The following LDLRAD3 variants were observed in gnomAD, a reference collection of about 807,000 sequenced individuals.
The protein encoded by LDLRAD3 is low-density lipoprotein receptor class A domain-containing protein 3.
A neutral mutation model predicts 29.4 loss-of-function variants in LDLRAD3; 20 were observed. The observed-to-expected ratio is 0.68, with a 90% CI of 0.48 to 0.99. The LOEUF is 0.99. Ranked by LOEUF, LDLRAD3 falls within the 50% of genes least tolerant of loss-of-function variation. The pLI is 0.00. For synonymous variants in LDLRAD3, 157 were observed against 192.7 expected (o/e 0.81, Z 1.53); for missense variants, 420 against 454.3 (o/e 0.92, Z 0.69).
At chr11:35,958,124 G>A (rs890894935) in intron 1 of LDLRAD3, among the ~76,000 whole-genome samples, 1 of 152,196 alleles carries the variant, frequency 6.6e-6, no homozygotes. Flanking sequence ...TCACTGACCT[G>A]TGTTCTCCAG....
intron 4 of LDLRAD3, among the ~76,000 whole-genome samples, chr11:36,143,632 T>G (rs1854119372): frequency 6.6e-6 from 1 of 152,176 alleles, no homozygotes; most frequent in Admixed American, 6.5e-5. Context: ...CTGTGGCTGC[T>G]AACAAAATAC....
At chr11:36,055,723 T>TG (rs1852608761) in intron 2 of LDLRAD3, among the ~76,000 whole-genome samples, 1 of 152,242 alleles carries the variant, frequency 6.6e-6, no homozygotes, top group Admixed American at 6.5e-5. Flanking sequence ...AATGAACTCT[T>TG]GCTGTGGGTG....
intron 4 of LDLRAD3, among the ~76,000 whole-genome samples, chr11:36,168,588 A>G (rs1311380220): frequency 2.0e-5 from 3 of 150,348 alleles, no homozygotes; most frequent in African/African-American, 7.4e-5. Flanking sequence ...TCTGCTAGGA[A>G]ATGTTTAAGT....
chr11:36,143,030 G>T (rs114456168), intron 4 of LDLRAD3, among the ~76,000 whole-genome samples: 3 of 152,170 alleles, frequency 2.0e-5, no homozygotes, highest in Non-Finnish European at 4.4e-5. Flanking sequence ...GATTAAACAC[G>T]TACTATGTGG....
intron 2 of LDLRAD3, 34 bp from the exon 3 acceptor site, chr11:36,081,619 C>T: frequency 6.2e-7 from 1 of 1,613,950 alleles, no homozygotes; most frequent in Non-Finnish European, 8.5e-7. Context: ...GAGAACATCT[C>T]CTGATGTCTT....
intron 2 of LDLRAD3, among the ~76,000 whole-genome samples, chr11:36,075,190 C>T (rs117671667): frequency 0.028 from 4,223 of 152,248 alleles, 94 homozygotes; most frequent in Non-Finnish European, 0.042. Context: ...GATGACATTT[C>T]ACACATGTTG....
chr11:36,154,874 C>G (rs1383164741), intron 4 of LDLRAD3, among the ~76,000 whole-genome samples: 4 of 152,174 alleles, frequency 2.6e-5, no homozygotes. Flanking sequence ...GCCTCTACCA[C>G]AAGTCCCTCT....
chr11:36,025,033 AACTGTT>A (rs1852145246), intron 1 of LDLRAD3, among the ~76,000 whole-genome samples: 1 of 152,160 alleles, frequency 6.6e-6, no homozygotes, highest in Non-Finnish European at 1.5e-5. Context: ...TCTGCCCTGC[AACTGTT>A]GCTGCCTTTC....
At chr11:36,182,376 TG>T (rs1854777913) in intron 4 of LDLRAD3, among the ~76,000 whole-genome samples, 1 of 151,896 alleles carries the variant, frequency 6.6e-6, no homozygotes, top group Admixed American at 6.6e-5. Flanking sequence ...CCCCTCCACC[TG>T]CCCCCGCAAA....
At chr11:36,006,427 G>A (rs1211734058) in intron 1 of LDLRAD3, among the ~76,000 whole-genome samples, 1 of 152,212 alleles carries the variant, frequency 6.6e-6, no homozygotes, top group East Asian at 1.9e-4. Flanking sequence ...AACAGGTTTA[G>A]TGAAAGCGCT....
chr11:36,108,295 G>A (rs111965184), intron 4 of LDLRAD3, among the ~76,000 whole-genome samples: 24,456 of 128,116 alleles, frequency 0.19, 2,386 homozygotes, highest in Admixed American at 0.27. Context: ...ACTCCAGCCT[G>A]GGTGACAGAG....
At chr11:36,211,517 A>G (rs1855283782) in intron 4 of LDLRAD3, among the ~76,000 whole-genome samples, 1 of 152,222 alleles carries the variant, frequency 6.6e-6, no homozygotes, top group Non-Finnish European at 1.5e-5. Context: ...AGAGGTTCAC[A>G]TGGTAATCCA....
rs145851978 is a variant in LDLRAD3, at chr11:36,199,297, C to T, written c.455-27788C>T. ...TGCTCCTAGGGTCTTAAGAGACTCC[C>T]GAATCTTAGGAGCCTCTTAGAGGAT... is the stretch of plus-strand genomic sequence containing the variant. On this transcript the variant is annotated intron_variant, in intron 4 of 5. Coordinates refer to ENST00000315571, the MANE Select transcript of LDLRAD3 (RefSeq NM_174902.4). 1.4e-4 allele frequency among the ~76,000 whole-genome samples: 22 copies of T among 152,224 alleles called. No homozygotes were observed. The East Asian group carries it at 4.2e-3, about 29-fold the overall frequency.
At chr11:36,173,661 C>G (rs1198006767) in intron 4 of LDLRAD3, among the ~76,000 whole-genome samples, 1 of 152,012 alleles carries the variant, frequency 6.6e-6, no homozygotes, top group Non-Finnish European at 1.5e-5. Context: ...TTGCATGTGT[C>G]TTTATAGCAG....
chr11:36,194,366 C>G (rs1371097135), intron 4 of LDLRAD3, among the ~76,000 whole-genome samples: 1 of 152,214 alleles, frequency 6.6e-6, no homozygotes, highest in Non-Finnish European at 1.5e-5. Context: ...AGCCCATCAC[C>G]TAGCCAGATC....
chr11:36,079,359 T>C (rs932530084), intron 2 of LDLRAD3, among the ~76,000 whole-genome samples: 2 of 151,864 alleles, frequency 1.3e-5, no homozygotes, highest in African/African-American at 4.9e-5. Context: ...ATGAACTTAG[T>C]GATGATGAGG....
intron 3 of LDLRAD3, among the ~76,000 whole-genome samples, chr11:36,090,391 A>C (rs1346778846): frequency 6.6e-6 from 1 of 152,150 alleles, no homozygotes. Context: ...AGTTTCAGAC[A>C]TGCAGAGTTT....
chr11:35,959,007 A>G (rs1278452332), intron 1 of LDLRAD3, among the ~76,000 whole-genome samples: 3 of 152,206 alleles, frequency 2.0e-5, no homozygotes. Context: ...CCAGGCTCCC[A>G]GGCCTTGCCA....
At chr11:36,134,735 A>G (rs893173759) in intron 4 of LDLRAD3, among the ~76,000 whole-genome samples, 1 of 152,200 alleles carries the variant, frequency 6.6e-6, no homozygotes, top group Admixed American at 6.5e-5. Context: ...TCTTGGGCTC[A>G]TTCAGTTGCA....
Sources: gnomAD v4.1 joint callset for allele counts (sites outside exome capture counted in the v4.1 genomes callset) on GRCh38, gnomAD v4.1.1 for gene constraint, MANE v1.5 for transcripts, NCBI Gene and HGNC (gene_info 2026-07-23, HGNC 2026-07-21) for gene names.